MIX23: variants seen among roughly 807,000 people sequenced by gnomAD.
MIX23 encodes the protein protein MIX23.
A neutral mutation model predicts 21.6 loss-of-function variants in MIX23; 13 were observed. The observed-to-expected ratio is 0.60, with a 90% CI of 0.39 to 0.96. The LOEUF (loss-of-function observed/expected upper bound fraction) is 0.96, where lower values mean the gene tolerates loss of function less well. Among genes scored for constraint, MIX23 ranks in the 40% least tolerant of loss-of-function variants. MIX23 has a pLI of 0.00. For synonymous variants in MIX23, 59 were observed against 58.0 expected, an observed-to-expected ratio of 1.02 and a Z score of -0.08; for missense variants, 144 against 171.2, an observed-to-expected ratio of 0.84 and a Z score of 0.89.
At position 122,383,189 on chromosome 3, in the gene MIX23, C is replaced by G; in HGVS notation, c.36G>C (p.Glu12Asp). ...AAPSGGVNCE[E>D]FAEFQELLKV... is the part of the protein sequence containing the mutation. ...ACCCCATCACCTGGAACTCGGCGAA[C>G]TCCTCACAGTTCACACCGCCACTGG... Residue 12 changes from glutamate (E) to aspartate (D), a missense_variant, in exon 1 of 5, where the codon GAG becomes GAC. Transcript: ENST00000291458. 6.2e-7 allele frequency: 1 copy of G among 1,613,624 alleles called. No homozygotes were observed.
At chr3:122,377,451 A>T (rs1168550566) in intron 1 of MIX23, among the ~76,000 whole-genome samples, 4 of 152,206 alleles carry the variant, frequency 2.6e-5, no homozygotes, top group Non-Finnish European at 5.9e-5. Flanking sequence ...ATGATTAAGG[A>T]ATTCTTACAT....
chr3:122,376,282 C>T (rs187803440), intron 1 of MIX23, among the ~76,000 whole-genome samples: 29 of 150,542 alleles, frequency 1.9e-4, no homozygotes, highest in Admixed American at 1.3e-4. Flanking sequence ...ATATGGTGTA[C>T]GTATACACAC....
chr3:122,374,119 T>TAA (rs369902989), intron 1 of MIX23, among the ~76,000 whole-genome samples: 2 of 136,672 alleles, frequency 1.5e-5, no homozygotes, highest in African/African-American at 5.3e-5. Context: ...TTTTTTTTTT[T>TAA]AAAAAAAAAG....
chr3:122,369,864 C>T (rs2075427133), intron 2 of MIX23, among the ~76,000 whole-genome samples: 1 of 152,206 alleles, frequency 6.6e-6, no homozygotes, highest in Admixed American at 6.5e-5. Context: ...ATCCTCCTGC[C>T]TTAGCCTCCC....
chr3:122,372,435 CT>C lies in MIX23; in HGVS notation c.52-636del, dbSNP rs1576235884. On this transcript the variant is annotated intron_variant, in intron 1 of 4. Coordinates refer to ENST00000291458, the MANE Select transcript of MIX23 (RefSeq NM_001017928.4). ...CTGGGAGAAGTTTCTGGCAGTATAT[CT>C]TTCTCTTTCTTTTTAGTTTCTCAAA... Among the ~76,000 whole-genome samples the C allele has an allele frequency of 4.2e-5, 5 of 118,406 alleles. No homozygotes were observed. In the South Asian group the frequency reaches 1.0e-3, roughly 25 times the overall value. 77.7% of individuals were successfully genotyped at this position (118,406 alleles called of 152,430 possible).
chr3:122,380,445 A>G (rs1281775693), intron 1 of MIX23, among the ~76,000 whole-genome samples: 1 of 152,254 alleles, frequency 6.6e-6, no homozygotes, highest in Non-Finnish European at 1.5e-5. Context: ...CTGTAAGCAT[A>G]AAAGAAACCA....
At chr3:122,369,247 C>A (rs1207143543) in intron 2 of MIX23, among the ~76,000 whole-genome samples, 1 of 152,154 alleles carries the variant, frequency 6.6e-6, no homozygotes, top group East Asian at 1.9e-4. Context: ...CTAATAAGAT[C>A]TCATTGAAAT....
intron 4 of MIX23, among the ~76,000 whole-genome samples, chr3:122,361,491 G>C (rs1175631089): frequency 6.6e-6 from 1 of 152,132 alleles, no homozygotes; most frequent in Non-Finnish European, 1.5e-5. Context: ...CACTGCACCA[G>C]AGCACCATGG....
rs527562300 is a variant in MIX23 at position 122,359,830 on chromosome 3, TAAAAAAAA to T, written c.*31_*38del. 1,128 of 1,006,192 alleles carry T rather than the reference TAAAAAAAA, an allele frequency of 1.1e-3. 9 individuals carry two copies. Among genetic ancestry groups the T allele is most frequent in the East Asian group, 1.3e-3 (27 of 21,240 alleles). 62.3% of individuals were successfully genotyped at this position (1,006,192 alleles called of 1,614,324 possible). A position where few individuals can be genotyped will look rare whatever the true frequency, so the allele number is the denominator to read the frequency against. On this transcript the variant is annotated 3_prime_UTR_variant, in exon 5 of 5. Transcript: ENST00000291458. ...AGCTCTTATGAGATGACCCAGTCCT[TAAAAAAAA>T]AAAAAAAAAAAAAAAAAAAAGAATC...
At chr3:122,383,117 A>T in intron 1 of MIX23, 57 bp downstream of exon 1, 1 of 1,601,972 alleles carries the variant, frequency 6.2e-7, no homozygotes, top group East Asian at 2.2e-5. Context: ...AAAGCAGGGA[A>T]TAGGGTCTGG....
chr3:122,383,067 A>T, intron 1 of MIX23, 107 bp downstream of exon 1: 1 of 1,449,204 alleles, frequency 6.9e-7, no homozygotes, highest in Non-Finnish European at 9.7e-7. Flanking sequence ...AAGAGCTTTG[A>T]ATTGCCCGCT....
At chr3:122,365,703 G>C (rs2075391877) in intron 3 of MIX23, 1 of 152,164 alleles carries the variant, frequency 6.6e-6, no homozygotes, top group Non-Finnish European at 1.5e-5. Flanking sequence ...ACACTCAGTA[G>C]AGTTTTGAAC....
intron 1 of MIX23, among the ~76,000 whole-genome samples, chr3:122,379,471 C>A (rs555682499): frequency 6.6e-6 from 1 of 152,168 alleles, no homozygotes; most frequent in Non-Finnish European, 1.5e-5. Context: ...GGCAAAAGTT[C>A]GGGCTGCCCT....
At position 122,362,956 on chromosome 3, in the gene MIX23, A is replaced by G. The variant is rs1279490783; in HGVS notation, c.384+12T>C. 3 of 1,611,108 alleles carry G rather than the reference A, an allele frequency of 1.9e-6. No individual in the cohort carries two copies. Among genetic ancestry groups the G allele is most frequent in the Non-Finnish European group, 2.5e-6 (3 of 1,177,802 alleles). Reference sequence around the variant, plus strand: ...CTCCTACTTCTTTCCAAACACCAACATTATTTTATACCTTCCAGCTCCTGT... The same window carrying G: ...CTCCTACTTCTTTCCAAACACCAACGTTATTTTATACCTTCCAGCTCCTGT... On this transcript the variant is annotated intron_variant, in intron 4 of 4. Transcript: ENST00000291458.
Position 122,368,332 on chromosome 3 carries a change from C to A in MIX23, c.178-10G>T. On this transcript the variant is annotated splice_polypyrimidine_tract_variant and intron_variant, in intron 2 of 4. Transcript: ENST00000291458. ...CATGAGCTGCCATCAACTAAAAGAA[C>A]AAAGGAATGAAAGGAGAAAAAAAAA... is the stretch of plus-strand genomic sequence containing the variant. 1.3e-6 allele frequency: 2 copies of A among 1,554,208 alleles called. No individual in the cohort carries two copies. The highest frequency in any genetic ancestry group is 2.2e-5 in the Admixed American group (1 of 46,296).
intron 4 of MIX23, among the ~76,000 whole-genome samples, chr3:122,360,853 A>T (rs1253135427): frequency 1.3e-5 from 2 of 151,974 alleles, no homozygotes; most frequent in Non-Finnish European, 2.9e-5. Context: ...TTATTTATTT[A>T]TTTTTTTGAG....
chr3:122,367,729 T>C (rs62271966), intron 3 of MIX23: 1,982 of 159,476 alleles, frequency 0.012, 18 homozygotes, highest in Non-Finnish European at 0.021. Context: ...TGAAGTTAAA[T>C]AGTCTATATT....
chr3:122,374,399 G>A (rs1423777503), intron 1 of MIX23, among the ~76,000 whole-genome samples: 1 of 152,142 alleles, frequency 6.6e-6, no homozygotes, highest in Non-Finnish European at 1.5e-5. Flanking sequence ...ATCCAAGGAT[G>A]CTCAAGTCCC....
At chr3:122,376,296 T>C (rs1002965827) in intron 1 of MIX23, among the ~76,000 whole-genome samples, 30 of 149,884 alleles carry the variant, frequency 2.0e-4, no homozygotes, top group African/African-American at 4.9e-5. Flanking sequence ...TACACACACA[T>C]ATATATAGAA....
Sources: gnomAD v4.1 joint callset for allele counts (sites outside exome capture counted in the v4.1 genomes callset) on GRCh38, gnomAD v4.1.1 for gene constraint, MANE v1.5 for transcripts, NCBI Gene and HGNC (gene_info 2026-07-23, HGNC 2026-07-21) for gene names.